Variants in FSTL4 observed in about 807,000 individuals in gnomAD.
FSTL4 encodes follistatin-related protein 4.
FSTL4 carries 28 observed loss-of-function variants against 78.2 expected under a neutral mutation model. The observed-to-expected ratio is 0.36, with a 90% CI of 0.27 to 0.49. FSTL4 has a LOEUF of 0.49. Ranked by LOEUF, FSTL4 falls within the 20% of genes least tolerant of loss-of-function variation. The pLI is 0.98. For synonymous variants in FSTL4, 422 were observed against 440.5 expected (o/e 0.96, Z 0.53); for missense variants, 922 against 1,084.9 (o/e 0.85, Z 2.11).
At chr5:133,510,926 A>G (rs1360263109) in intron 3 of FSTL4, among the ~76,000 whole-genome samples, 2 of 152,158 alleles carry the variant, frequency 1.3e-5, no homozygotes, top group Non-Finnish European at 1.5e-5. Context: ...TCGCTCAAAA[A>G]GGGTTTCTGT....
chr5:133,405,583 A>T (rs1390693066), intron 3 of FSTL4, among the ~76,000 whole-genome samples: 1 of 152,228 alleles, frequency 6.6e-6, no homozygotes, highest in Non-Finnish European at 1.5e-5. Flanking sequence ...CCTGCGGAAG[A>T]GCCATGTACA....
intron 3 of FSTL4, among the ~76,000 whole-genome samples, chr5:133,431,151 G>A (rs80185258): frequency 0.039 from 5,904 of 152,218 alleles, 195 homozygotes; most frequent in African/African-American, 0.088. Context: ...GTAAACATCT[G>A]GCACTTTCCC....
At chr5:133,223,352 G>T (rs558015889) in intron 11 of FSTL4, among the ~76,000 whole-genome samples, 1 of 152,240 alleles carries the variant, frequency 6.6e-6, no homozygotes, top group Non-Finnish European at 1.5e-5. Context: ...CCAGACTGCA[G>T]GTAACACCGT....
At chr5:133,423,617 G>A (rs1385725271) in intron 3 of FSTL4, among the ~76,000 whole-genome samples, 1 of 152,190 alleles carries the variant, frequency 6.6e-6, no homozygotes, top group Non-Finnish European at 1.5e-5. Flanking sequence ...GCGGTGAGGC[G>A]GTGGTGATGG....
rs1237250065 is a variant in FSTL4 at position 133,611,799 on chromosome 5, G to C, written c.-11+526C>G. ...GCCCTTTGGGCTGCAGCGAGGAGAC[G>C]CAAGTTTCCCCGCAAAGCCGCGGGG... On this transcript the variant is annotated intron_variant, in intron 1 of 15. Transcript: ENST00000265342. The surrounding 1 kb of genome is among the most constrained non-coding windows in gnomAD (Gnocchi z 4.9). Among the ~76,000 whole-genome samples, 2 of 152,134 alleles carry C rather than the reference G, an allele frequency of 1.3e-5. No individual in the cohort carries two copies. Among genetic ancestry groups the C allele is most frequent in the African/African-American group, 2.4e-5 (1 of 41,452 alleles).
intron 4 of FSTL4, among the ~76,000 whole-genome samples, chr5:133,327,383 A>G (rs914277228): frequency 2.6e-5 from 4 of 152,206 alleles, no homozygotes; most frequent in African/African-American, 7.2e-5. Flanking sequence ...TAGTCCACTG[A>G]GCACGCTTTG....
intron 4 of FSTL4, chr5:133,387,701 A>G (rs930690723): frequency 3.9e-5 from 6 of 152,246 alleles, no homozygotes; most frequent in African/African-American, 1.4e-4. Flanking sequence ...GCATACTGAC[A>G]CACGCCCATG....
At chr5:133,568,175 G>A (rs1237146110) in intron 2 of FSTL4, among the ~76,000 whole-genome samples, 1 of 152,052 alleles carries the variant, frequency 6.6e-6, no homozygotes, top group Middle Eastern at 3.2e-3. Flanking sequence ...CTAATGGGGG[G>A]AAAGACTAGA....
rs1385414641 is a variant in FSTL4, at chr5:133,585,199, G to A, written c.127-17980C>T. On this transcript the variant is annotated intron_variant, in intron 2 of 15. Transcript: ENST00000265342. ...ATCATGCCAAAATGTAAAGACCATC[G>A]AGACTAGGAAGAAACTGCATCAACT... Among the ~76,000 whole-genome samples the A allele has an allele frequency of 2.9e-3, 182 of 63,436 alleles. 2 individuals carry two copies. Among genetic ancestry groups the A allele is most frequent in the African/African-American group, 9.6e-3 (172 of 17,836 alleles). 41.6% of individuals were successfully genotyped at this position (63,436 alleles called of 152,430 possible).
intron 7 of FSTL4, among the ~76,000 whole-genome samples, chr5:133,241,728 C>T (rs1751879172): frequency 6.6e-6 from 1 of 152,142 alleles, no homozygotes; most frequent in Non-Finnish European, 1.5e-5. Flanking sequence ...ATCTGAAGTT[C>T]CAGACCACCT....
At chr5:133,746,553 G>A in the FSTL4 span, among the ~76,000 whole-genome samples, 6 of 152,152 alleles carry the variant, frequency 3.9e-5, no homozygotes, top group East Asian at 1.2e-3. Flanking sequence ...ACTCTGGATA[G>A]AAAAAATAAT....
At chr5:133,766,119 G>C in the FSTL4 span, among the ~76,000 whole-genome samples, 3 of 152,180 alleles carry the variant, frequency 2.0e-5, no homozygotes, top group African/African-American at 7.2e-5. Context: ...TGCTGGAGGG[G>C]TGAATTACTG....
the FSTL4 span, among the ~76,000 whole-genome samples, chr5:133,668,555 A>G: frequency 6.6e-6 from 1 of 152,326 alleles, no homozygotes; most frequent in African/African-American, 2.4e-5. Flanking sequence ...GGTATATTAC[A>G]AAAACATGCA....
At chr5:133,406,499 G>C (rs1040555611) in intron 3 of FSTL4, among the ~76,000 whole-genome samples, 3 of 152,166 alleles carry the variant, frequency 2.0e-5, no homozygotes, top group South Asian at 4.1e-4. Context: ...GGTGGGAAGA[G>C]AGCAGCCCTC....
the FSTL4 span, among the ~76,000 whole-genome samples, chr5:133,795,184 G>A: frequency 3.9e-5 from 6 of 152,176 alleles, no homozygotes; most frequent in African/African-American, 1.2e-4. Context: ...TTATTTGGCC[G>A]TGAAGCTGAA....
At chr5:133,701,588 T>G in the FSTL4 span, among the ~76,000 whole-genome samples, 2 of 151,670 alleles carry the variant, frequency 1.3e-5, no homozygotes, top group Non-Finnish European at 2.9e-5. Context: ...CACAGTTCAG[T>G]ACTGCACAAT....
chr5:133,490,959 G>A lies in FSTL4; in HGVS notation c.160+76227C>T, dbSNP rs529718274. Among the ~76,000 whole-genome samples, 3 of 152,270 alleles carry A rather than the reference G, an allele frequency of 2.0e-5. No homozygotes were observed. The East Asian group carries it at 5.8e-4, about 29-fold the overall frequency. ...ACACCAGAGCCTACTTGAGGGTGGA[G>A]TTCAGATGAAAGGAGTGTAAGGACT... On this transcript the variant is annotated intron_variant, in intron 3 of 15. Coordinates refer to ENST00000265342, the MANE Select transcript of FSTL4 (RefSeq NM_015082.2).
chr5:133,527,901 A>C lies in FSTL4; in HGVS notation c.160+39285T>G, dbSNP rs548521327. 2.1e-3 allele frequency among the ~76,000 whole-genome samples: 315 copies of C among 152,144 alleles called. 1 individual carries two copies. The highest frequency in any genetic ancestry group is 0.01 in the Middle Eastern group (3 of 294). ...CAGCCTTGGCCTTGCTTGGCTTCCC[A>C]CCCCCAAGGAACACTGGGCACTCAC... is the stretch of plus-strand genomic sequence containing the variant. On this transcript the variant is annotated intron_variant, in intron 3 of 15. Coordinates refer to ENST00000265342, the MANE Select transcript of FSTL4 (RefSeq NM_015082.2).
rs1460898703 is a variant in FSTL4 at position 133,611,326 on chromosome 5, CCGCAAGAGTTG to C, written c.-11+988_-11+998del. ...CCACTGCCTCGGCGGCTTTCCGCTC[CCGCAAGAGTTG>C]CGGGCACAAAGTCCTCAGGTGGCAG... On this transcript the variant is annotated intron_variant, in intron 1 of 15. Transcript: ENST00000265342. The surrounding 1 kb of genome is among the most constrained non-coding windows in gnomAD (Gnocchi z 4.9). 6.6e-6 allele frequency among the ~76,000 whole-genome samples: 1 copy of C among 152,182 alleles called. No homozygotes were observed. Among genetic ancestry groups the C allele is most frequent in the African/African-American group, 2.4e-5 (1 of 41,466 alleles).
Sources: gnomAD v4.1 joint callset for allele counts (sites outside exome capture counted in the v4.1 genomes callset) on GRCh38, gnomAD v4.1.1 for gene constraint, Gnocchi (gnomAD v3.1) non-coding constraint, MANE v1.5 for transcripts, NCBI Gene and HGNC (gene_info 2026-07-23, HGNC 2026-07-21) for gene names.